SLC19A1: variants seen among roughly 807,000 people sequenced by gnomAD.
SLC19A1 encodes reduced folate transporter.
A neutral mutation model predicts 35.3 loss-of-function variants in SLC19A1; 37 were observed. That is an observed-to-expected ratio of 1.05 (90% CI 0.81 to 1.38). The LOEUF is 1.38. SLC19A1 is among the 40% of genes most tolerant of loss of function. The pLI is 0.00. For missense variants in SLC19A1, 831 were observed against 826.9 expected (o/e 1.00, Z -0.06); for synonymous variants, 460 against 398.5 (o/e 1.15, Z -1.84).
intron 1 of SLC19A1, among the ~76,000 whole-genome samples, chr21:45,549,768 A>T: frequency 5.6e-5 from 1 of 17,718 alleles, no homozygotes. Flanking sequence ...GGTGGTGGGG[A>T]GGGGGACACT....
At chr21:45,519,546 C>A in intron 5 of SLC19A1, among the ~76,000 whole-genome samples, 1 of 82,010 alleles carries the variant, frequency 1.2e-5, no homozygotes. Context: ...GCTATATTAA[C>A]ATCAGGTAAA....
downstream of SLC19A1, chr21:45,509,312 C>T (rs765390635): frequency 1.6e-5 from 24 of 1,536,288 alleles, no homozygotes; most frequent in Middle Eastern, 2.3e-4. Context: ...GAGGGGCACC[C>T]GGAGGGTCCC....
At position 45,515,527 on chromosome 21, in the gene SLC19A1, G is replaced by A. The variant is rs1175429796; in HGVS notation, c.*131C>T. ...CACCGCCAGAGTGCGGCACAGGGCA[G>A]GGGGAATCCTAGGGGGCCTGCTAGC... is the stretch of plus-strand genomic sequence containing the variant. On this transcript the variant is annotated 3_prime_UTR_variant, in exon 6 of 6. Coordinates refer to ENST00000311124, the MANE Select transcript of SLC19A1 (RefSeq NM_194255.4). The A allele has an allele frequency of 6.5e-7, 1 of 1,530,056 alleles. No homozygotes were observed. The highest frequency in any genetic ancestry group is 2.2e-5 in the East Asian group (1 of 44,588). The allele number at this position is 1,530,056 out of a possible 1,614,324, so 94.8% of individuals were successfully genotyped here. A position where few individuals can be genotyped will look rare whatever the true frequency, so the allele number is the denominator to read the frequency against.
chr21:45,551,598 T>C (rs2078467015), intron 1 of SLC19A1, among the ~76,000 whole-genome samples: 1 of 152,156 alleles, frequency 6.6e-6, no homozygotes, highest in Non-Finnish European at 1.5e-5. Flanking sequence ...TGTTGTTTGT[T>C]GGTTTAATAT....
At chr21:45,553,376 C>A (rs1303226487) in intron 1 of SLC19A1, among the ~76,000 whole-genome samples, 1 of 151,818 alleles carries the variant, frequency 6.6e-6, no homozygotes, top group Non-Finnish European at 1.5e-5. Flanking sequence ...AGAGGAGCCA[C>A]AGGGGACACG....
At position 45,525,559 on chromosome 21, in the gene SLC19A1, C is replaced by T. The variant is rs543735259; in HGVS notation, c.1293+258G>A. 9.2e-5 allele frequency among the ~76,000 whole-genome samples: 14 copies of T among 152,370 alleles called. No individual in the cohort carries two copies. In the South Asian group the frequency reaches 2.1e-3, roughly 23 times the overall value. ...AGAGCGGAGACAAGGACAGCTCCGC[C>T]GTGGCGAGCAGAGGCTCAGCTGCTC... On this transcript the variant is annotated intron_variant, in intron 5 of 5. Coordinates refer to ENST00000311124, the MANE Select transcript of SLC19A1 (RefSeq NM_194255.4).
At position 45,531,580 on chromosome 21, in the gene SLC19A1, C is replaced by G. The variant is rs1253102203; in HGVS notation, c.758G>C (p.Arg253Pro). 1.2e-6 allele frequency: 2 copies of G among 1,612,280 alleles called. No homozygotes were observed. ...GCTGTCCCCCAGCTCCCGCAGCATC[C>G]GCGCCAGCACTGAGTCCCCACAGGC... Reference protein sequence around the residue: ...RVACGDSVLARMLRELGDSLR... With the variant: ...RVACGDSVLAPMLRELGDSLR... Residue 253 changes from arginine (R) to proline (P), a missense_variant, in exon 3 of 6, where the codon CGG becomes CCG. Coordinates refer to ENST00000311124, the MANE Select transcript of SLC19A1 (RefSeq NM_194255.4).
In SLC19A1 at chr21:45,534,145, G is replaced by A. The variant is rs559114477; in HGVS notation, c.190-1997C>T. Among the ~76,000 whole-genome samples the A allele has an allele frequency of 7.9e-4, 120 of 152,312 alleles. No homozygotes were observed. Among genetic ancestry groups the A allele is most frequent in the African/African-American group, 2.7e-3 (113 of 41,574 alleles). ...ATGTGCCAGGAGGCTGAGTGAGCCC[G>A]CCGGGTCACAGAGAGCCTCAGGGCC... On this transcript the variant is annotated intron_variant, in intron 2 of 5. Coordinates refer to ENST00000311124, the MANE Select transcript of SLC19A1 (RefSeq NM_194255.4). This position sits in a 1 kb window ranked among gnomAD's most constrained non-coding sequence, Gnocchi z 4.2.
At chr21:45,506,296 G>A (rs866850786) in intron 3 of SLC19A1, 44 of 376,774 alleles carry the variant, frequency 1.2e-4, no homozygotes, top group Non-Finnish European at 1.8e-4. Context: ...GGGACGAGGC[G>A]GCAGGGGGGC....
At position 45,540,302 on chromosome 21, in the gene SLC19A1, C is replaced by T. The variant is rs1341288088; in HGVS notation, c.-50+2066G>A. On this transcript the variant is annotated intron_variant, in intron 1 of 5. Coordinates refer to ENST00000311124, the MANE Select transcript of SLC19A1 (RefSeq NM_194255.4). The surrounding 1 kb of genome is among the most constrained non-coding windows in gnomAD (Gnocchi z 5.5). ...CCCCAGACAACCAGAGCAACCAGAT[C>T]GCCGCAGACAACGGGGAGCCATCAG... 2.6e-5 allele frequency among the ~76,000 whole-genome samples: 4 copies of T among 152,210 alleles called. No homozygotes were observed. The highest frequency in any genetic ancestry group is 6.5e-5 in the Admixed American group (1 of 15,288).
At position 45,507,554 on chromosome 21, in the gene SLC19A1, C is replaced by G; in HGVS notation, c.498-8942G>C. The G allele has an allele frequency of 1.2e-6, 2 of 1,612,256 alleles. No homozygotes were observed. The highest frequency in any genetic ancestry group is 1.7e-6 in the Non-Finnish European group (2 of 1,179,666). ...AGGTCCTGGGTGACCCTGCTGCTTT[C>G]TTCCAGCTGGAGGCCCGGACACCAC... On this transcript the variant is annotated intron_variant, in intron 3 of 4. Transcript: ENST00000417954.
chr21:45,507,382 G>A (rs2037276390), intron 3 of SLC19A1: 7 of 667,640 alleles, frequency 1.0e-5, no homozygotes, highest in Non-Finnish European at 1.9e-5. Context: ...AGGGCCGGGT[G>A]CTGGGCAGGG....
intron 3 of SLC19A1, chr21:45,507,497 C>T (rs1462136267): frequency 2.0e-6 from 1 of 507,170 alleles, no homozygotes. Flanking sequence ...GGGTGCTGGG[C>T]AGGGAGGGCA....
intron 5 of SLC19A1, among the ~76,000 whole-genome samples, chr21:45,523,683 G>A (rs1225607580): frequency 6.6e-6 from 1 of 152,206 alleles, no homozygotes; most frequent in East Asian, 1.9e-4. Flanking sequence ...GATGGAGGTG[G>A]GGCGGCAACG....
Position 45,515,032 on chromosome 21 carries a change from T to C in SLC19A1, c.*626A>G. 1 of 1,539,350 alleles carries C rather than the reference T, an allele frequency of 6.5e-7. No homozygotes were observed. Among genetic ancestry groups the C allele is most frequent in the Non-Finnish European group, 8.7e-7 (1 of 1,143,448 alleles). On this transcript the variant is annotated 3_prime_UTR_variant, in exon 6 of 6. Transcript: ENST00000311124. ...GGACCATGGAGGGCTGCCCTTAGGG[T>C]GGGAGAGAGGAACCAGCTCCGAGGA...
In SLC19A1 at chr21:45,531,682, C is replaced by G; in HGVS notation, c.656G>C (p.Arg219Pro). 1 of 1,612,472 alleles carries G rather than the reference C, an allele frequency of 6.2e-7. No homozygotes were observed. Among genetic ancestry groups the G allele is most frequent in the Non-Finnish European group, 8.5e-7 (1 of 1,179,748 alleles). ...SLFFNRDDRG[R>P]CETSASELER... Reference sequence around the variant, plus strand: ...CAGCTCCGAAGCCGAGGTTTCGCACCGCCCCCGGTCGTCGCGGTTGAAGAA... The same window carrying G: ...CAGCTCCGAAGCCGAGGTTTCGCACGGCCCCCGGTCGTCGCGGTTGAAGAA... Residue 219 changes from arginine to proline, a missense_variant, in exon 3 of 6, where the codon CGG (arginine) becomes CCG (proline). Arg to Pro is a moderately radical substitution (Grantham distance 103). Transcript: ENST00000311124.
At chr21:45,505,443 G>T in intron 3 of SLC19A1, 1 of 1,484,352 alleles carries the variant, frequency 6.7e-7, no homozygotes. Flanking sequence ...TAAGTGTCTG[G>T]GCAGCCGGCT....
rs554547813 is a variant in SLC19A1, at chr21:45,506,547, G to C, written c.498-7935C>G. The C allele has an allele frequency of 5.6e-4, 110 of 197,196 alleles. 1 individual carries two copies. Among genetic ancestry groups the C allele is most frequent in the African/African-American group, 2.3e-3 (98 of 43,128 alleles). 12.2% of individuals were successfully genotyped at this position (197,196 alleles called of 1,614,324 possible). On this transcript the variant is annotated intron_variant, in intron 3 of 4. Transcript: ENST00000417954. ...TCTGGGTGGCAGGAGTGGCCGCTCT[G>C]ATCCAGGTGGGTGCGGCCATGCTTG...
intron 5 of SLC19A1, among the ~76,000 whole-genome samples, chr21:45,516,622 C>G (rs2037961121): frequency 6.6e-6 from 1 of 152,356 alleles, no homozygotes; most frequent in South Asian, 2.1e-4. Context: ...GTCTCCATCT[C>G]GGCAGCGGAA....
Sources: allele counts gnomAD v4.1 joint callset (sites outside exome capture counted in the v4.1 genomes callset), GRCh38; gene constraint gnomAD v4.1.1; non-coding constraint Gnocchi (gnomAD v3.1); transcripts MANE v1.5; gene names NCBI Gene and HGNC (gene_info 2026-07-23, HGNC 2026-07-21).